PHACTR2: variants seen among roughly 807,000 people sequenced by gnomAD.
PHACTR2 encodes chromosome 6 open reading frame 56.
In PHACTR2, 30 loss-of-function variants were observed where a neutral mutation model predicts 76.0. The ratio of observed to expected loss-of-function variants is 0.39; its 90% CI spans 0.30 to 0.54. The LOEUF (loss-of-function observed/expected upper bound fraction) is 0.54, where lower values mean the gene tolerates loss of function less well. Among genes scored for constraint, PHACTR2 ranks in the 20% least tolerant of loss-of-function variants. PHACTR2 has a pLI of 0.61. For missense variants in PHACTR2, 696 were observed against 781.1 expected (o/e 0.89, Z 1.30); for synonymous variants, 292 against 292.5 (o/e 1.00, Z 0.02).
intron 1 of PHACTR2, among the ~76,000 whole-genome samples, chr6:143,629,225 C>T (rs1206374817): frequency 6.6e-6 from 1 of 151,934 alleles, no homozygotes; most frequent in East Asian, 1.9e-4. Flanking sequence ...TCTCCCTAAG[C>T]ATCTTCTGGA....
Position 143,721,555 on chromosome 6 carries a change from A to T in PHACTR2, c.214+9372A>T, listed in dbSNP as rs1425600450. On this transcript the variant is annotated intron_variant, in intron 2 of 12. Coordinates refer to ENST00000440869, the MANE Select transcript of PHACTR2 (RefSeq NM_001100164.2). ...CATTGAGCTTCTCCCTGAATTCCTT[A>T]TTCCCAGCTCTAATTGTTGAGGAGG... is the stretch of plus-strand genomic sequence containing the variant. Among the ~76,000 whole-genome samples the T allele has an allele frequency of 2.0e-5, 3 of 152,136 alleles. No homozygotes were observed. In the East Asian group the frequency reaches 5.8e-4, roughly 29 times the overall value.
intron 1 of PHACTR2, among the ~76,000 whole-genome samples, chr6:143,699,229 C>A (rs995870366): frequency 6.6e-6 from 1 of 152,134 alleles, no homozygotes; most frequent in Non-Finnish European, 1.5e-5. Flanking sequence ...ATGCAGTCCC[C>A]GTGTGGCTGG....
Position 143,647,409 on chromosome 6 carries a change from A to G in PHACTR2, c.13+39087A>G, listed in dbSNP as rs1776678880. On this transcript the variant is annotated intron_variant, in intron 1 of 11. Coordinates refer to the PHACTR2 transcript ENST00000305766. The surrounding 1 kb of genome is among the most constrained non-coding windows in gnomAD (Gnocchi z 4.2). ...CAAAATTCTGCAGTAAATGGAAACC[A>G]TTTCACATGTGTTTATTCATTCACA... Among the ~76,000 whole-genome samples the G allele has an allele frequency of 6.6e-6, 1 of 152,202 alleles. No individual in the cohort carries two copies. The highest frequency in any genetic ancestry group is 2.1e-4 in the South Asian group (1 of 4,832).
chr6:143,741,403 G>C (rs1778939783), intron 2 of PHACTR2, among the ~76,000 whole-genome samples: 3 of 152,246 alleles, frequency 2.0e-5, no homozygotes. Context: ...TGAGGCAGGA[G>C]AATCGCTTGA....
Position 143,608,333 on chromosome 6 carries a change from C to T in PHACTR2, c.13+11C>T, listed in dbSNP as rs750048049. ...ACATGGACAACGCCGGTGGGTAAAT[C>T]AAGCATGAATTCTTCATAGCTGCTG... is the stretch of plus-strand genomic sequence containing the variant. On this transcript the variant is annotated intron_variant, in intron 1 of 11. Transcript: ENST00000305766. The surrounding 1 kb of genome is among the most constrained non-coding windows in gnomAD (Gnocchi z 4.6). 6.8e-6 allele frequency: 11 copies of T among 1,613,840 alleles called. No homozygotes were observed. The South Asian group carries it at 1.1e-4, about 16-fold the overall frequency.
In PHACTR2 at chr6:143,826,290, C is replaced by T. The variant is rs1279429334; in HGVS notation, c.*2601C>T. On this transcript the variant is annotated 3_prime_UTR_variant, in exon 13 of 13. Coordinates refer to ENST00000440869, the MANE Select transcript of PHACTR2 (RefSeq NM_001100164.2). ...GGGGGCCCTAAAGGGATGCAGAGGT[C>T]TGGCCCACCCTCCGTGCATAGGCAC... 1 of 152,304 alleles carries T rather than the reference C, an allele frequency of 6.6e-6. No homozygotes were observed. The highest frequency in any genetic ancestry group is 2.4e-5 in the African/African-American group (1 of 41,474). The allele number at this position is 152,304 out of a possible 1,614,324, so 9.4% of individuals were successfully genotyped here.
rs1776298807 is a variant in PHACTR2 at position 143,816,508 on chromosome 6, G to C, written c.1923-7166G>C. On this transcript the variant is annotated intron_variant, in intron 12 of 12. Transcript: ENST00000440869. This position sits in a 1 kb window ranked among gnomAD's most constrained non-coding sequence, Gnocchi z 4.5. ...GAATCTGGGCAATCTATCTAAAGAG[G>C]GGTCATAGTTCTGACCTCTGGCTTT... is the stretch of plus-strand genomic sequence containing the variant. 6.6e-6 allele frequency among the ~76,000 whole-genome samples: 1 copy of C among 151,952 alleles called. No individual in the cohort carries two copies. The highest frequency in any genetic ancestry group is 1.5e-5 in the Non-Finnish European group (1 of 68,000).
Position 143,663,842 on chromosome 6 carries a change from T to G in PHACTR2, c.14-48174T>G, listed in dbSNP as rs182436095. On this transcript the variant is annotated intron_variant, in intron 1 of 11. Coordinates refer to the PHACTR2 transcript ENST00000305766. This position sits in a 1 kb window ranked among gnomAD's most constrained non-coding sequence, Gnocchi z 4.1. ...TTAAAATTTATTGAGATTTCTGTTA[T>G]GATCTAGTGTTAAATCAATGTACAG... Among the ~76,000 whole-genome samples the G allele has an allele frequency of 8.1e-4, 124 of 152,334 alleles. No homozygotes were observed. The highest frequency in any genetic ancestry group is 2.8e-3 in the African/African-American group (118 of 41,594).
chr6:143,645,004 A>G (rs1360863231), intron 1 of PHACTR2, among the ~76,000 whole-genome samples: 2 of 139,658 alleles, frequency 1.4e-5, no homozygotes, highest in Non-Finnish European at 3.0e-5. Flanking sequence ...CCCCAAAGTC[A>G]ATTGTGTCAT....
intron 1 of PHACTR2, among the ~76,000 whole-genome samples, chr6:143,670,337 G>A (rs966919131): frequency 6.6e-6 from 1 of 152,042 alleles, no homozygotes; most frequent in African/African-American, 2.4e-5. Context: ...TGCTCTTCTC[G>A]AGGAGTGTCT....
At chr6:143,555,872 AC>A (rs1367235812) in intron 1 of PHACTR2, among the ~76,000 whole-genome samples, 1 of 151,838 alleles carries the variant, frequency 6.6e-6, no homozygotes, top group African/African-American at 2.4e-5. Context: ...TTCTTGACAT[AC>A]AATATAATCA....
In PHACTR2 at chr6:143,695,733, A is replaced by G. The variant is rs1433793052; in HGVS notation, c.47-16283A>G. On this transcript the variant is annotated intron_variant, in intron 1 of 12. Coordinates refer to ENST00000440869, the MANE Select transcript of PHACTR2 (RefSeq NM_001100164.2). The surrounding 1 kb of genome is among the most constrained non-coding windows in gnomAD (Gnocchi z 4.4). The stretch of plus-strand genomic sequence containing the variant: ...GGACTTTGTCATCTACATTGAATTT[A>G]TAGGTGGTCTTTACTTAAAATATCT... Among the ~76,000 whole-genome samples, 1 of 152,238 alleles carries G rather than the reference A, an allele frequency of 6.6e-6. No homozygotes were observed. The highest frequency in any genetic ancestry group is 1.5e-5 in the Non-Finnish European group (1 of 68,032).
chr6:143,643,543 T>C (rs1776603607), intron 1 of PHACTR2, among the ~76,000 whole-genome samples: 1 of 152,194 alleles, frequency 6.6e-6, no homozygotes, highest in African/African-American at 2.4e-5. Context: ...CATCTATATA[T>C]AAGTCATGGG....
chr6:143,579,861 T>G (rs1775553842), intron 1 of PHACTR2, among the ~76,000 whole-genome samples: 1 of 152,148 alleles, frequency 6.6e-6, no homozygotes, highest in African/African-American at 2.4e-5. Context: ...TCAGGATCTC[T>G]CCCAGATTGC....
rs971238770 is a variant in PHACTR2 at position 143,831,135 on chromosome 6, G to T, written c.*7446G>T. Reference sequence around the variant, plus strand: ...GCCATTATTATATGTAAACATAAAAGATAGTCCATTTAGAGTTTATAATAT... The same window carrying T: ...GCCATTATTATATGTAAACATAAAATATAGTCCATTTAGAGTTTATAATAT... On this transcript the variant is annotated 3_prime_UTR_variant, in exon 13 of 13. Coordinates refer to ENST00000440869, the MANE Select transcript of PHACTR2 (RefSeq NM_001100164.2). This position sits in a 1 kb window ranked among gnomAD's most constrained non-coding sequence, Gnocchi z 5.2. The T allele has an allele frequency of 6.6e-6, 1 of 152,096 alleles. No individual in the cohort carries two copies. The highest frequency in any genetic ancestry group is 1.5e-5 in the Non-Finnish European group (1 of 68,030). The allele number at this position is 152,096 out of a possible 1,614,324, so 9.4% of individuals were successfully genotyped here. A position where few individuals can be genotyped will look rare whatever the true frequency, so the allele number is the denominator to read the frequency against.
Position 143,743,244 on chromosome 6 carries a change from C to T in PHACTR2, c.215-5741C>T, listed in dbSNP as rs766385684. Among the ~76,000 whole-genome samples, 34 of 152,262 alleles carry T rather than the reference C, an allele frequency of 2.2e-4. No homozygotes were observed. Among genetic ancestry groups the T allele is most frequent in the Non-Finnish European group, 2.9e-4 (20 of 68,026 alleles). ...ACATGAAGGAATGGAGCTGAAGAAC[C>T]GCAGATGTTTAGGAAATGGCAAGAA... On this transcript the variant is annotated intron_variant, in intron 2 of 12. Coordinates refer to ENST00000440869, the MANE Select transcript of PHACTR2 (RefSeq NM_001100164.2). The surrounding 1 kb of genome is among the most constrained non-coding windows in gnomAD (Gnocchi z 5.0).
intron 11 of PHACTR2, among the ~76,000 whole-genome samples, chr6:143,790,354 G>A (rs1226293322): frequency 6.6e-6 from 1 of 152,138 alleles, no homozygotes; most frequent in Non-Finnish European, 1.5e-5. Context: ...AGGCGGAAAA[G>A]TCAGTAACTG....
upstream of PHACTR2, among the ~76,000 whole-genome samples, chr6:143,676,743 T>TA (rs551563271): frequency 0.069 from 9,906 of 144,330 alleles, 365 homozygotes; most frequent in African/African-American, 0.11. The surrounding 1 kb of genome is among the most constrained non-coding windows in gnomAD (Gnocchi z 4.8). Flanking sequence ...TCAATTTCAT[T>TA]AAAAAAAAAA....
intron 12 of PHACTR2, among the ~76,000 whole-genome samples, chr6:143,808,731 A>G (rs1226984047): frequency 6.6e-6 from 1 of 151,910 alleles, no homozygotes; most frequent in African/African-American, 2.4e-5. Context: ...ATTTCCTCCT[A>G]TATCATTTGT....
Sources: allele counts gnomAD v4.1 joint callset (sites outside exome capture counted in the v4.1 genomes callset), GRCh38; gene constraint gnomAD v4.1.1; non-coding constraint Gnocchi (gnomAD v3.1); transcripts MANE v1.5; gene names NCBI Gene and HGNC (gene_info 2026-07-23, HGNC 2026-07-21).